Variants in IL2RA observed in about 807,000 individuals in gnomAD.
The protein encoded by IL2RA is interleukin 2 receptor subunit alpha, also known as interleukin-2 receptor subunit alpha.
In IL2RA, 24 loss-of-function variants were observed where a neutral mutation model predicts 37.8. The observed-to-expected ratio is 0.63, with a 90% confidence interval of 0.46 to 0.89. IL2RA has a LOEUF of 0.89. Ranked by LOEUF, IL2RA falls within the 40% of genes least tolerant of loss-of-function variation. The probability of loss-of-function intolerance (pLI) is 0.00; values close to 1 mark genes in which losing one functional copy is unlikely to be tolerated. For synonymous variants in IL2RA, 125 were observed against 114.6 expected, an observed-to-expected ratio of 1.09 and a Z score of -0.58; for missense variants, 319 against 348.6, an observed-to-expected ratio of 0.92 and a Z score of 0.68.
At position 6,025,532 on chromosome 10, in the gene IL2RA, T is replaced by C. The variant is rs1439533997; in HGVS notation, c.256+302A>G. ...TTAGCCAGGCATGGTGGAGGGTGCC[T>C]GTAATCCCAGCTACTCAGGAGGCTG... On this transcript the variant is annotated intron_variant, in intron 2 of 7. Coordinates refer to ENST00000379959, the MANE Select transcript of IL2RA (RefSeq NM_000417.3). This position sits in a 1 kb window ranked among gnomAD's most constrained non-coding sequence, Gnocchi z 4.4. 6.6e-6 allele frequency among the ~76,000 whole-genome samples: 1 copy of C among 152,062 alleles called. No homozygotes were observed. The highest frequency in any genetic ancestry group is 1.5e-5 in the Non-Finnish European group (1 of 68,008).
chr10:6,019,526 C>G, intron 5 of IL2RA, 27 bp from the exon 6 acceptor site: 1 of 1,543,548 alleles, frequency 6.5e-7, no homozygotes, highest in Non-Finnish European at 9.0e-7. Context: ...AAGAGAGACA[C>G]TCCTGCTACC....
At position 6,025,837 on chromosome 10, in the gene IL2RA, A is replaced by T. The variant is rs1216411295; in HGVS notation, c.253T>A (p.Ser85Thr). 6.2e-7 allele frequency: 1 copy of T among 1,614,104 alleles called. No individual in the cohort carries two copies. Among genetic ancestry groups the T allele is most frequent in the East Asian group, 2.2e-5 (1 of 44,886 alleles). ...SWDNQCQCTS[S>T]ATRNTTKQVT... ...TAGTCACAGAAGGGACACTTACCAG[A>T]GCTTGTGCATTGACATTGGTTGTCC... Residue 85 changes from serine (S) to threonine (T), a missense_variant, in exon 2 of 8, where the codon TCT (serine) becomes ACT (threonine). Transcript: ENST00000379959. This position sits in a 1 kb window ranked among gnomAD's most constrained non-coding sequence, Gnocchi z 4.4.
In IL2RA at chr10:6,057,376, C is replaced by T. The variant is rs942437699; in HGVS notation, c.64+4712G>A. 7.2e-5 allele frequency among the ~76,000 whole-genome samples: 11 copies of T among 152,308 alleles called. No homozygotes were observed. In the South Asian group the frequency reaches 2.3e-3, roughly 32 times the overall value. ...TGGGTGCATTGATACACAAAAGTCG[C>T]TCAACCCTGACCGTGCCAGTATGTC... is the stretch of plus-strand genomic sequence containing the variant. On this transcript the variant is annotated intron_variant, in intron 1 of 7. Transcript: ENST00000379959. This position sits in a 1 kb window ranked among gnomAD's most constrained non-coding sequence, Gnocchi z 4.8.
chr10:6,039,455 C>G (rs557577021), intron 1 of IL2RA: 1 of 152,076 alleles, frequency 6.6e-6, no homozygotes, highest in South Asian at 2.1e-4. Context: ...ATAGGACAGA[C>G]AGAAAATCAG....
chr10:6,062,352 G>A lies in IL2RA; in HGVS notation c.-201C>T. The A allele has an allele frequency of 2.3e-6, 1 of 425,608 alleles. No individual in the cohort carries two copies. The highest frequency in any genetic ancestry group is 2.7e-5 in the South Asian group (1 of 36,686). The allele number at this position is 425,608 out of a possible 1,614,324, so 26.4% of individuals were successfully genotyped here. On this transcript the variant is annotated 5_prime_UTR_variant, in exon 1 of 8. Coordinates refer to ENST00000379959, the MANE Select transcript of IL2RA (RefSeq NM_000417.3). ...CTCTCTTTAAGTATTGGGCTGGCGT[G>A]TTCAGCCAGGAAACTGCCTAGCACT... is the stretch of plus-strand genomic sequence containing the variant.
In IL2RA at chr10:6,012,585, C is replaced by G; in HGVS notation, c.*287G>C. On this transcript the variant is annotated 3_prime_UTR_variant, in exon 8 of 8. Transcript: ENST00000379959. The surrounding 1 kb of genome is among the most constrained non-coding windows in gnomAD (Gnocchi z 4.8). ...ATTCATGCTTTAATGAACACATATA[C>G]ATGAAAATAAGATGGAGAGTTCTAG... The G allele has an allele frequency of 1.8e-6, 1 of 543,160 alleles. No homozygotes were observed. Among genetic ancestry groups the G allele is most frequent in the Non-Finnish European group, 3.3e-6 (1 of 301,428 alleles). The allele number at this position is 543,160 out of a possible 1,614,324, so 33.6% of individuals were successfully genotyped here. A position where few individuals can be genotyped will look rare whatever the true frequency, so the allele number is the denominator to read the frequency against.
rs1441114811 is a variant in IL2RA at position 6,028,628 on chromosome 10, T to C, written c.65-2603A>G. ...GTATAGCTCATAATATCCAGCAAAT[T>C]AAAAGAAAATCTAGACATGTGAAGA... is the stretch of plus-strand genomic sequence containing the variant. On this transcript the variant is annotated intron_variant, in intron 1 of 7. Coordinates refer to ENST00000379959, the MANE Select transcript of IL2RA (RefSeq NM_000417.3). The surrounding 1 kb of genome is among the most constrained non-coding windows in gnomAD (Gnocchi z 4.1). 6.6e-6 allele frequency among the ~76,000 whole-genome samples: 1 copy of C among 152,180 alleles called. No homozygotes were observed. Among genetic ancestry groups the C allele is most frequent in the Admixed American group, 6.5e-5 (1 of 15,298 alleles).
Position 6,021,151 on chromosome 10 carries a change from G to T in IL2RA, c.583+327C>A, listed in dbSNP as rs894541259. Among the ~76,000 whole-genome samples, 1 of 152,020 alleles carries T rather than the reference G, an allele frequency of 6.6e-6. No individual in the cohort carries two copies. Among genetic ancestry groups the T allele is most frequent in the Non-Finnish European group, 1.5e-5 (1 of 68,006 alleles). The stretch of plus-strand genomic sequence containing the variant: ...TGCCCTTGGAGCCAGAGGAGGCCTT[G>T]GTGGCTTAGAGAAGTAGTGGACTTA... On this transcript the variant is annotated intron_variant, in intron 4 of 7. Coordinates refer to ENST00000379959, the MANE Select transcript of IL2RA (RefSeq NM_000417.3). The surrounding 1 kb of genome is among the most constrained non-coding windows in gnomAD (Gnocchi z 4.9).
chr10:6,019,829 G>A (rs1214417148), intron 5 of IL2RA, 41 bp downstream of exon 5: 10 of 1,584,700 alleles, frequency 6.3e-6, no homozygotes, highest in Non-Finnish European at 8.7e-6. Context: ...CTGCCCTTTT[G>A]GACTAGGCCT....
In IL2RA at chr10:6,014,470, A is replaced by G. The variant is rs1033323865; in HGVS notation, c.795-1574T>C. 2.0e-5 allele frequency among the ~76,000 whole-genome samples: 3 copies of G among 152,246 alleles called. No individual in the cohort carries two copies. Among genetic ancestry groups the G allele is most frequent in the Non-Finnish European group, 4.4e-5 (3 of 68,044 alleles). ...TCTGGGAGACCTTGTGGGAACTCACATAGGTTCACACAGTTATTTGTTTCA... is the reference window on the plus strand; with the variant it reads ...TCTGGGAGACCTTGTGGGAACTCACGTAGGTTCACACAGTTATTTGTTTCA... On this transcript the variant is annotated intron_variant, in intron 7 of 7. Coordinates refer to ENST00000379959, the MANE Select transcript of IL2RA (RefSeq NM_000417.3). The surrounding 1 kb of genome is among the most constrained non-coding windows in gnomAD (Gnocchi z 4.4).
rs529370498 is a variant in IL2RA, at chr10:6,014,983, G to A, written c.795-2087C>T. ...GGTCTTACTGTGGAGTTTGTATCAG[G>A]GTTGGCCAGAGTGGATGCTGGCAGG... On this transcript the variant is annotated intron_variant, in intron 7 of 7. Coordinates refer to ENST00000379959, the MANE Select transcript of IL2RA (RefSeq NM_000417.3). The surrounding 1 kb of genome is among the most constrained non-coding windows in gnomAD (Gnocchi z 4.4). 4.6e-5 allele frequency among the ~76,000 whole-genome samples: 7 copies of A among 152,282 alleles called. No individual in the cohort carries two copies. The South Asian group carries it at 1.5e-3, about 32-fold the overall frequency.
intron 1 of IL2RA, among the ~76,000 whole-genome samples, chr10:6,043,689 C>T (rs1336811074): frequency 6.6e-6 from 1 of 152,180 alleles, no homozygotes; most frequent in Non-Finnish European, 1.5e-5. Context: ...CTACCTGCCT[C>T]GGCCTCCCAA....
chr10:6,018,409 C>G lies in IL2RA; in HGVS notation c.728-290G>C, dbSNP rs202060940. 2.1e-4 allele frequency among the ~76,000 whole-genome samples: 32 copies of G among 152,214 alleles called. No individual in the cohort carries two copies. In the East Asian group the frequency reaches 5.8e-3, roughly 28 times the overall value. ...GAGGCCAGGCCTCGTTTAAGGACAC[C>G]GAGAGCGCCTGGTAAAAGAAATGTT... On this transcript the variant is annotated intron_variant, in intron 6 of 7. Transcript: ENST00000379959. The surrounding 1 kb of genome is among the most constrained non-coding windows in gnomAD (Gnocchi z 5.1).
At chr10:6,017,999 C>T in intron 7 of IL2RA, 54 bp downstream of exon 7, 1 of 1,457,656 alleles carries the variant, frequency 6.9e-7, no homozygotes, top group Non-Finnish European at 9.6e-7. Flanking sequence ...CAGGGTGGGG[C>T]TGGGTACAGG....
At chr10:6,055,403 G>A (rs1840027739) in intron 1 of IL2RA, among the ~76,000 whole-genome samples, 1 of 150,118 alleles carries the variant, frequency 6.7e-6, no homozygotes, top group African/African-American at 2.5e-5. Flanking sequence ...TTCATCTTAT[G>A]AGTCTTGGCC....
Position 6,016,490 on chromosome 10 carries a change from T to C in IL2RA, c.794+1563A>G, listed in dbSNP as rs902843364. On this transcript the variant is annotated intron_variant, in intron 7 of 7. Transcript: ENST00000379959. The stretch of plus-strand genomic sequence containing the variant: ...TTTATGATGGTTAAATGATGAATTT[T>C]ATCTCAATTAAAAATACGTACTGAT... Among the ~76,000 whole-genome samples, 4 of 151,286 alleles carry C rather than the reference T, an allele frequency of 2.6e-5. No homozygotes were observed. The East Asian group carries it at 7.7e-4, about 29-fold the overall frequency.
At chr10:6,037,752 A>G (rs1191581542) in intron 1 of IL2RA, among the ~76,000 whole-genome samples, 4 of 152,092 alleles carry the variant, frequency 2.6e-5, no homozygotes, top group Admixed American at 6.5e-5. Context: ...CTCTGTCTGT[A>G]ATATGAAATG....
At chr10:6,043,598 A>C (rs1839806027) in intron 1 of IL2RA, among the ~76,000 whole-genome samples, 1 of 152,004 alleles carries the variant, frequency 6.6e-6, no homozygotes. Context: ...GCATCACATC[A>C]GGCTAATTTT....
chr10:6,053,349 A>G (rs1839993340), intron 1 of IL2RA, among the ~76,000 whole-genome samples: 2 of 152,236 alleles, frequency 1.3e-5, no homozygotes, highest in Non-Finnish European at 2.9e-5. Context: ...AGAATTAACC[A>G]AAGTAATACT....
Sources: gnomAD v4.1 joint callset for allele counts (sites outside exome capture counted in the v4.1 genomes callset) on GRCh38, gnomAD v4.1.1 for gene constraint, Gnocchi (gnomAD v3.1) non-coding constraint, MANE v1.5 for transcripts, NCBI Gene and HGNC (gene_info 2026-07-23, HGNC 2026-07-21) for gene names.